PRKG1: variants seen among roughly 807,000 people sequenced by gnomAD.
PRKG1 encodes the protein protein kinase cGMP-dependent 1.
PRKG1 carries 35 observed loss-of-function variants against 88.1 expected under a neutral mutation model. The ratio of observed to expected loss-of-function variants is 0.40; its 90% CI spans 0.30 to 0.53. PRKG1 has a LOEUF of 0.53. PRKG1 is among the 20% of genes least tolerant of loss of function. PRKG1 has a pLI of 0.59. For missense variants in PRKG1, 540 were observed against 839.8 expected, an observed-to-expected ratio of 0.64 and a Z score of 4.41; for synonymous variants, 303 against 292.5, an observed-to-expected ratio of 1.04 and a Z score of -0.37.
chr10:51,517,129 G>A (rs1211132380), intron 3 of PRKG1, among the ~76,000 whole-genome samples: 4 of 152,186 alleles, frequency 2.6e-5, no homozygotes, highest in African/African-American at 9.7e-5. Context: ...AAGAATGTAA[G>A]TTTTACACAA....
intron 3 of PRKG1, chr10:51,699,392 GTC>G (rs1404879927): frequency 6.2e-7 from 1 of 1,613,876 alleles, no homozygotes; most frequent in Non-Finnish European, 8.5e-7. Flanking sequence ...GGGTTTTCCC[GTC>G]TCTCTATCGT....
At chr10:52,057,660 T>C (rs2133260327) in intron 6 of PRKG1, among the ~76,000 whole-genome samples, 1 of 152,270 alleles carries the variant, frequency 6.6e-6, no homozygotes, top group Admixed American at 6.5e-5. Context: ...TATCCTACCA[T>C]TGGAAAAAAA....
intron 1 of PRKG1, among the ~76,000 whole-genome samples, chr10:51,094,454 TA>T (rs1019697154): frequency 2.5e-4 from 38 of 152,086 alleles, no homozygotes; most frequent in Non-Finnish European, 4.4e-5. Flanking sequence ...TTCTAAAAAT[TA>T]AAATACATGC....
At chr10:51,909,391 A>G (rs896997498) in intron 5 of PRKG1, 8 of 152,222 alleles carry the variant, frequency 5.3e-5, no homozygotes, top group African/African-American at 1.9e-4. Flanking sequence ...GCAGCCAACA[A>G]TTATTATAAA....
chr10:51,110,224 A>T (rs1844950723), intron 1 of PRKG1, among the ~76,000 whole-genome samples: 1 of 152,114 alleles, frequency 6.6e-6, no homozygotes, highest in Non-Finnish European at 1.5e-5. Context: ...AGAAAAACAA[A>T]AGATGTTCAC....
chr10:51,405,057 G>A (rs1212605063), intron 2 of PRKG1, among the ~76,000 whole-genome samples: 5 of 152,186 alleles, frequency 3.3e-5, no homozygotes, highest in Admixed American at 3.3e-4. Flanking sequence ...AGATGGTAAT[G>A]AGTCTTATAT....
At chr10:51,326,533 A>G (rs182685802) in intron 2 of PRKG1, among the ~76,000 whole-genome samples, 3 of 152,354 alleles carry the variant, frequency 2.0e-5, no homozygotes, top group Admixed American at 6.5e-5. Flanking sequence ...AATGGATAAA[A>G]TACCCAAGTA....
intron 5 of PRKG1, among the ~76,000 whole-genome samples, chr10:51,955,801 GTTTT>G (rs1396080518): frequency 6.6e-6 from 1 of 152,080 alleles, no homozygotes. Context: ...TTTTAAAGTG[GTTTT>G]TTGTTTGTTT....
Position 51,890,199 on chromosome 10 carries a change from G to A in PRKG1, c.699-17308G>A, listed in dbSNP as rs561717885. Among the ~76,000 whole-genome samples the A allele has an allele frequency of 1.2e-3, 177 of 152,206 alleles. 3 individuals are homozygous for A. Among genetic ancestry groups the A allele is most frequent in the East Asian group, 1.2e-3 (6 of 5,182 alleles). On this transcript the variant is annotated intron_variant, in intron 4 of 17. Transcript: ENST00000373980. ...GGGTTTTTATGGTTTTAGGTCTAAC[G>A]TTTAAGTCTTTAATCCATCTTGAAT... is the stretch of plus-strand genomic sequence containing the variant.
At chr10:51,515,345 G>A (rs1364076356) in intron 3 of PRKG1, among the ~76,000 whole-genome samples, 1 of 152,062 alleles carries the variant, frequency 6.6e-6, no homozygotes, top group Non-Finnish European at 1.5e-5. Flanking sequence ...CATTTTTATC[G>A]ATAAAGAATG....
intron 2 of PRKG1, among the ~76,000 whole-genome samples, chr10:51,157,722 T>G (rs1206820190): frequency 6.6e-6 from 1 of 151,966 alleles, no homozygotes; most frequent in African/African-American, 2.4e-5. Flanking sequence ...AATTTCATTT[T>G]AATTTTTAAA....
intron 3 of PRKG1, among the ~76,000 whole-genome samples, chr10:51,800,721 G>T (rs1839149856): frequency 1.3e-5 from 2 of 152,068 alleles, no homozygotes; most frequent in African/African-American, 4.8e-5. Context: ...GTACCAGAGA[G>T]GCTGGCTTCT....
intron 2 of PRKG1, among the ~76,000 whole-genome samples, chr10:51,185,378 A>G (rs1327029003): frequency 6.6e-6 from 1 of 152,142 alleles, no homozygotes; most frequent in African/African-American, 2.4e-5. Context: ...TTCTATTTAT[A>G]AAATAACACC....
chr10:51,664,371 C>T (rs78377373), intron 3 of PRKG1, among the ~76,000 whole-genome samples: 6,257 of 152,162 alleles, frequency 0.041, 169 homozygotes, highest in Middle Eastern at 0.075. Context: ...TACATTTCTT[C>T]AGAAAAAGTA....
intron 3 of PRKG1, among the ~76,000 whole-genome samples, chr10:51,485,817 G>GT (rs1840516977): frequency 6.6e-6 from 1 of 152,120 alleles, no homozygotes; most frequent in Non-Finnish European, 1.5e-5. Context: ...TCTTATTAGG[G>GT]TCATGTGACA....
At chr10:50,993,302 C>T (rs1029603248) in intron 1 of PRKG1, among the ~76,000 whole-genome samples, 2 of 152,208 alleles carry the variant, frequency 1.3e-5, no homozygotes, top group African/African-American at 4.8e-5. Flanking sequence ...TTTCAGATTT[C>T]CTGAGTGACA....
chr10:51,998,780 A>G (rs1844518620), intron 5 of PRKG1, among the ~76,000 whole-genome samples: 1 of 152,168 alleles, frequency 6.6e-6, no homozygotes, highest in African/African-American at 2.4e-5. Context: ...CAGGGAAAGC[A>G]TTCAGCATCT....
intron 9 of PRKG1, among the ~76,000 whole-genome samples, chr10:52,167,164 A>G (rs1838501710): frequency 6.6e-6 from 1 of 152,040 alleles, no homozygotes; most frequent in African/African-American, 2.4e-5. Context: ...TAGTTCTGGC[A>G]TCTGTTCTTG....
chr10:51,301,107 A>G (rs571802634), intron 2 of PRKG1, among the ~76,000 whole-genome samples: 1 of 152,186 alleles, frequency 6.6e-6, no homozygotes, highest in Admixed American at 6.5e-5. Context: ...AGAAACATTC[A>G]TGTCTGATAG....
Sources: allele counts gnomAD v4.1 joint callset (sites outside exome capture counted in the v4.1 genomes callset), GRCh38; gene constraint gnomAD v4.1.1; transcripts MANE v1.5; gene names NCBI Gene and HGNC (gene_info 2026-07-23, HGNC 2026-07-21).